FUT8: variants seen among roughly 807,000 people sequenced by gnomAD.
The protein encoded by FUT8 is alpha-(1,6)-fucosyltransferase.
Under a neutral mutation model 71.3 loss-of-function variants are expected in FUT8, and 29 were observed. The observed-to-expected ratio is 0.41, with a 90% CI of 0.30 to 0.55. The LOEUF is 0.55. Ranked by LOEUF, FUT8 falls within the 20% of genes least tolerant of loss-of-function variation. The pLI is 0.34. For synonymous variants in FUT8, 254 were observed against 239.3 expected, an observed-to-expected ratio of 1.06 and a Z score of -0.57; for missense variants, 544 against 702.1, an observed-to-expected ratio of 0.77 and a Z score of 2.55.
rs75543344 is a variant in FUT8 at position 65,618,612 on chromosome 14, C to T, written c.482+2239C>T. Among the ~76,000 whole-genome samples, 889 of 152,162 alleles carry T rather than the reference C, an allele frequency of 5.8e-3. 29 individuals are homozygous for T. The East Asian group carries it at 0.092, about 16-fold the overall frequency. On this transcript the variant is annotated intron_variant, in intron 5 of 10. Coordinates refer to ENST00000673929, the MANE Select transcript of FUT8 (RefSeq NM_001371533.1). ...GAGAAATAACCCTTAAACTGACGGACGTACAAATAGAAAGGACTTTTATTA... is the reference window on the plus strand; with the variant it reads ...GAGAAATAACCCTTAAACTGACGGATGTACAAATAGAAAGGACTTTTATTA...
At chr14:65,477,419 C>T (rs2066263450) in intron 2 of FUT8, among the ~76,000 whole-genome samples, 2 of 152,148 alleles carry the variant, frequency 1.3e-5, no homozygotes. Context: ...AGACTAGATG[C>T]TCAGGAGCAC....
intron 7 of FUT8, among the ~76,000 whole-genome samples, chr14:65,696,870 G>GT (rs887482556): frequency 1.4e-4 from 22 of 152,014 alleles, no homozygotes; most frequent in African/African-American, 5.3e-4. Context: ...CTGTTATGGT[G>GT]TTTTTTTATT....
chr14:65,434,784 C>G (rs751991664), intron 1 of FUT8, among the ~76,000 whole-genome samples: 15 of 152,052 alleles, frequency 9.9e-5, no homozygotes, highest in Non-Finnish European at 2.2e-4. Flanking sequence ...AAAGCCCCCC[C>G]ACCTTTTTTT....
At position 65,561,558 on chromosome 14, in the gene FUT8, C is replaced by A; in HGVS notation, c.-6C>A. 1 of 1,612,940 alleles carries A rather than the reference C, an allele frequency of 6.2e-7. No individual in the cohort carries two copies. The highest frequency in any genetic ancestry group is 1.1e-5 in the South Asian group (1 of 91,026). ...GACTCCAGGGAAGTGAGTTGAAAAT[C>A]TGAAAATGCGGCCATGGACTGGTTC... On this transcript the variant is annotated 5_prime_UTR_variant, in exon 3 of 11. It adds an upstream start codon to the 5' untranslated region. Coordinates refer to ENST00000673929, the MANE Select transcript of FUT8 (RefSeq NM_001371533.1).
chr14:65,528,624 C>T (rs1233694713), intron 2 of FUT8, among the ~76,000 whole-genome samples: 1 of 152,198 alleles, frequency 6.6e-6, no homozygotes, highest in African/African-American at 2.4e-5. Flanking sequence ...CAGAAATCAC[C>T]TGTCTTCTGC....
chr14:65,706,352 T>C (rs1894550939), intron 7 of FUT8, among the ~76,000 whole-genome samples: 1 of 152,226 alleles, frequency 6.6e-6, no homozygotes, highest in South Asian at 2.1e-4. Context: ...TAGTATATTT[T>C]GCTTGATGTG....
chr14:65,698,891 T>TG (rs1409706391), intron 7 of FUT8, among the ~76,000 whole-genome samples: 1 of 152,152 alleles, frequency 6.6e-6, no homozygotes, highest in Non-Finnish European at 1.5e-5. Context: ...TCCAGACTTA[T>TG]GGGGGAGACA....
chr14:65,428,760 G>A (rs1295117481), intron 1 of FUT8, among the ~76,000 whole-genome samples: 1 of 152,228 alleles, frequency 6.6e-6, no homozygotes, highest in African/African-American at 2.4e-5. Flanking sequence ...ATAATTCTGT[G>A]AGGTAGAGCT....
At chr14:65,437,350 A>T (rs2065577402) in intron 1 of FUT8, among the ~76,000 whole-genome samples, 1 of 152,236 alleles carries the variant, frequency 6.6e-6, no homozygotes, top group Non-Finnish European at 1.5e-5. Context: ...GGAAAGAAAT[A>T]AGAATTTATT....
At chr14:65,414,432 A>G (rs2065189901) in intron 1 of FUT8, among the ~76,000 whole-genome samples, 1 of 152,250 alleles carries the variant, frequency 6.6e-6, no homozygotes, top group Non-Finnish European at 1.5e-5. Flanking sequence ...TATCAGATAT[A>G]TGAGAAATAA....
chr14:65,460,541 T>TGAAAAA (rs1281466171), intron 2 of FUT8, among the ~76,000 whole-genome samples: 1 of 152,176 alleles, frequency 6.6e-6, no homozygotes, highest in African/African-American at 2.4e-5. Flanking sequence ...TGGTACTCTG[T>TGAAAAA]CTATGCTATT....
At chr14:65,558,567 G>A (rs925151372) in intron 2 of FUT8, among the ~76,000 whole-genome samples, 4 of 152,114 alleles carry the variant, frequency 2.6e-5, no homozygotes, top group Non-Finnish European at 4.4e-5. Context: ...GCCAAATACC[G>A]TTCTGAGTGC....
chr14:65,696,236 C>G (rs535025479), intron 7 of FUT8, among the ~76,000 whole-genome samples: 3 of 152,168 alleles, frequency 2.0e-5, no homozygotes, highest in African/African-American at 4.8e-5. Context: ...TTCCTTCTCT[C>G]TGAAGCTAGC....
intron 2 of FUT8, among the ~76,000 whole-genome samples, chr14:65,552,938 C>T (rs1206535293): frequency 6.6e-6 from 1 of 152,034 alleles, no homozygotes; most frequent in Non-Finnish European, 1.5e-5. Context: ...AAAATGTGGC[C>T]TACTGTGCCT....
chr14:65,461,909 G>A (rs2065974275), intron 2 of FUT8, among the ~76,000 whole-genome samples: 1 of 152,178 alleles, frequency 6.6e-6, no homozygotes, highest in South Asian at 2.1e-4. Context: ...GAGGAGGGGC[G>A]AGGAAGCAAT....
intron 3 of FUT8, among the ~76,000 whole-genome samples, chr14:65,589,441 CTTTTTT>C (rs35606286): frequency 9.1e-6 from 1 of 109,954 alleles, no homozygotes; most frequent in Non-Finnish European, 1.7e-5. Context: ...TGCCTTAAAT[CTTTTTT>C]TTTTTTTTTT....
chr14:65,594,095 A>G (rs1356940482), intron 3 of FUT8, among the ~76,000 whole-genome samples: 1 of 152,204 alleles, frequency 6.6e-6, no homozygotes, highest in African/African-American at 2.4e-5. Flanking sequence ...ATAATTAGTG[A>G]AAAACTGATG....
At chr14:65,670,188 G>T (rs1361088261) in intron 7 of FUT8, among the ~76,000 whole-genome samples, 1 of 152,094 alleles carries the variant, frequency 6.6e-6, no homozygotes, top group Non-Finnish European at 1.5e-5. Context: ...ATATAGAAAA[G>T]AATTTCTTAC....
chr14:65,624,829 CT>C (rs1295140215), intron 5 of FUT8, among the ~76,000 whole-genome samples: 2 of 152,218 alleles, frequency 1.3e-5, no homozygotes, highest in Non-Finnish European at 2.9e-5. Context: ...AATCCTAGCA[CT>C]TTGGGAGGCC....
Sources: gnomAD v4.1 joint callset for allele counts (sites outside exome capture counted in the v4.1 genomes callset) on GRCh38, gnomAD v4.1.1 for gene constraint, MANE v1.5 for transcripts, NCBI Gene and HGNC (gene_info 2026-07-23, HGNC 2026-07-21) for gene names.